The following WDR17 variants were observed in gnomAD, a reference collection of about 807,000 sequenced individuals.
The protein encoded by WDR17 is WD repeat domain 17, also known as WD repeat-containing protein 17.
WDR17 carries 143 observed loss-of-function variants against 161.7 expected under a neutral mutation model. That is an observed-to-expected ratio of 0.88 (90% CI 0.77 to 1.02). The LOEUF is 1.02. Ranked by LOEUF, WDR17 falls within the 50% of genes least tolerant of loss-of-function variation. The probability of loss-of-function intolerance (pLI) is 0.00; values close to 1 mark genes in which losing one functional copy is unlikely to be tolerated. For synonymous variants in WDR17, 517 were observed against 515.6 expected (o/e 1.00, Z -0.04); for missense variants, 1,469 against 1,520.9 (o/e 0.97, Z 0.57).
intron 1 of WDR17, among the ~76,000 whole-genome samples, chr4:176,079,234 G>T (rs1326223944): frequency 6.6e-6 from 1 of 151,840 alleles, no homozygotes; most frequent in East Asian, 1.9e-4. Context: ...GTATTTCATT[G>T]TGTATATATA....
chr4:176,066,988 G>A (rs1732614438), intron 1 of WDR17, among the ~76,000 whole-genome samples: 1 of 152,102 alleles, frequency 6.6e-6, no homozygotes, highest in African/African-American at 2.4e-5. Context: ...GAATTTATGA[G>A]AATTTATAAA....
At chr4:176,155,934 A>C in intron 17 of WDR17, 145 bp from the exon 18 acceptor site, 1 of 667,394 alleles carries the variant, frequency 1.5e-6, no homozygotes. Context: ...GAACAAAAAG[A>C]AGTCAGAAAG....
At chr4:176,129,234 TCTGTA>T (rs1742970989) in intron 6 of WDR17, among the ~76,000 whole-genome samples, 1 of 152,112 alleles carries the variant, frequency 6.6e-6, no homozygotes, top group Admixed American at 6.5e-5. Flanking sequence ...TCATTTAAAA[TCTGTA>T]CAGTTTACAA....
At chr4:176,094,723 C>T (rs1736594080) in intron 1 of WDR17, among the ~76,000 whole-genome samples, 1 of 151,938 alleles carries the variant, frequency 6.6e-6, no homozygotes, top group African/African-American at 2.4e-5. Flanking sequence ...TAGACTTTTT[C>T]AAAGTAATTT....
intron 1 of WDR17, among the ~76,000 whole-genome samples, chr4:176,086,865 C>T (rs191979236): frequency 2.7e-4 from 41 of 151,662 alleles, no homozygotes; most frequent in Non-Finnish European, 4.1e-4. Context: ...ATTACACTTT[C>T]CTTCAATTAA....
At chr4:176,116,498 A>G (rs1487238251) in intron 3 of WDR17, among the ~76,000 whole-genome samples, 4 of 151,862 alleles carry the variant, frequency 2.6e-5, no homozygotes, top group African/African-American at 9.7e-5. Context: ...TAGAATTGGG[A>G]ACTCGCATTT....
At chr4:176,096,560 A>G (rs1480602777) in intron 1 of WDR17, 4 of 1,602,190 alleles carry the variant, frequency 2.5e-6, no homozygotes, top group Non-Finnish European at 3.4e-6. Flanking sequence ...TTTGAGCAAG[A>G]TGATTGGTAT....
chr4:176,125,141 T>C lies in WDR17; in HGVS notation c.576T>C (p.Ser192=), dbSNP rs1268796652. ...AGAAACATGTTTTGAGACCAGAATC[T>C]CTTGAAGGGACAGATGAAGAGGATC... The part of the protein sequence containing the change: ...KNQKHVLRPE[S]LEGTDEEDPV... The change falls in exon 5 of 29, where the codon TCT becomes TCC. Residue 192 remains serine, a synonymous_variant. Coordinates refer to ENST00000508596, the MANE Select transcript of WDR17 (RefSeq NM_181265.4). The C allele has an allele frequency of 1.2e-6, 2 of 1,614,130 alleles. No homozygotes were observed. Among genetic ancestry groups the C allele is most frequent in the South Asian group, 2.2e-5 (2 of 91,070 alleles).
rs552902745 is a variant in WDR17, at chr4:176,156,114, T to C, written c.2496T>C (p.Ser832=). ...DKALSIAPGV[S]VKYWKKLMQR... The stretch of plus-strand genomic sequence containing the variant: ...CCCTGTCAATTGCACCAGGAGTCTC[T>C]GTGAAATACTGGAAGAAGTTAATGC... Residue 832 remains serine (S), a synonymous_variant, in exon 18 of 29, where the codon TCT becomes TCC. Coordinates refer to ENST00000508596, the MANE Select transcript of WDR17 (RefSeq NM_181265.4). The C allele has an allele frequency of 1.1e-5, 18 of 1,613,712 alleles. No individual in the cohort carries two copies. In the South Asian group the frequency reaches 1.9e-4, roughly 17 times the overall value.
intron 2 of WDR17, among the ~76,000 whole-genome samples, chr4:176,112,057 A>G (rs1561116951): frequency 6.6e-6 from 1 of 152,210 alleles, no homozygotes; most frequent in Non-Finnish European, 1.5e-5. Flanking sequence ...CTCCATTCAG[A>G]TATCCCTTAT....
chr4:176,165,948 C>T (rs1749709001), intron 22 of WDR17, among the ~76,000 whole-genome samples: 1 of 152,122 alleles, frequency 6.6e-6, no homozygotes, highest in Admixed American at 6.5e-5. Context: ...AAGCTGTAAT[C>T]CTCCTGGCTA....
intron 17 of WDR17, among the ~76,000 whole-genome samples, chr4:176,154,453 C>T (rs1747740385): frequency 6.6e-6 from 1 of 151,918 alleles, no homozygotes; most frequent in African/African-American, 2.4e-5. Context: ...TGCACTCCAG[C>T]CTGGGTGACA....
intron 4 of WDR17, among the ~76,000 whole-genome samples, 191 bp downstream of exon 4, chr4:176,120,288 T>TTATATATATATATATATATATA (rs33940735): frequency 2.5e-4 from 34 of 136,524 alleles, no homozygotes; most frequent in African/African-American, 8.3e-4. Flanking sequence ...ATTTGAAGTT[T>TTATATATATATATATATATATA]TATATATATA....
intron 2 of WDR17, among the ~76,000 whole-genome samples, chr4:176,115,128 T>C (rs1019675251): frequency 1.3e-5 from 2 of 151,984 alleles, no homozygotes; most frequent in Non-Finnish European, 2.9e-5. Flanking sequence ...TGTGAAAGGC[T>C]CATTATATGC....
chr4:176,099,789 G>A (rs898911848), intron 1 of WDR17, among the ~76,000 whole-genome samples: 4 of 151,746 alleles, frequency 2.6e-5, no homozygotes, highest in South Asian at 2.1e-4. Context: ...CCACTTTTGT[G>A]TCCATGTGTA....
chr4:176,169,747 C>T (rs761349495), intron 23 of WDR17, among the ~76,000 whole-genome samples: 3 of 152,012 alleles, frequency 2.0e-5, no homozygotes, highest in Non-Finnish European at 4.4e-5. Context: ...TGAATGACAA[C>T]GTGTGGGTGG....
rs1479126027 is a variant in WDR17 at position 176,159,560 on chromosome 4, T to G, written c.2526-434T>G. Among the ~76,000 whole-genome samples the G allele has an allele frequency of 5.3e-5, 8 of 152,304 alleles. No individual in the cohort carries two copies. In the East Asian group the frequency reaches 1.5e-3, roughly 29 times the overall value. ...TCCATCTTAGTGATTTTTAAGCTAC[T>G]TGAGTTTCAAGCCTCTCTATTCATT... On this transcript the variant is annotated intron_variant, in intron 18 of 28. Coordinates refer to ENST00000508596, the MANE Select transcript of WDR17 (RefSeq NM_181265.4).
chr4:176,122,937 T>C (rs1741842044), intron 4 of WDR17, among the ~76,000 whole-genome samples: 1 of 152,206 alleles, frequency 6.6e-6, no homozygotes, highest in African/African-American at 2.4e-5. Context: ...CTTTAAGCCT[T>C]CTTCTCCCTT....
At chr4:176,179,326 T>C (rs1045963522) in intron 28 of WDR17, 134 bp from the exon 29 acceptor site, 1 of 1,033,750 alleles carries the variant, frequency 9.7e-7, no homozygotes, top group Non-Finnish European at 1.3e-6. Context: ...AATTTTCTCA[T>C]AGTCTTCATT....
Sources: gnomAD v4.1 joint callset for allele counts (sites outside exome capture counted in the v4.1 genomes callset) on GRCh38, gnomAD v4.1.1 for gene constraint, MANE v1.5 for transcripts, NCBI Gene and HGNC (gene_info 2026-07-23, HGNC 2026-07-21) for gene names.